ELL: variants seen among roughly 807,000 people sequenced by gnomAD.
ELL encodes RNA polymerase II elongation factor ELL.
In ELL, 18 loss-of-function variants were observed where a neutral mutation model predicts 64.0. The ratio of observed to expected loss-of-function variants is 0.28; its 90% CI spans 0.19 to 0.42. ELL has a LOEUF of 0.42. Among genes scored for constraint, ELL ranks in the 10% least tolerant of loss-of-function variants. The probability of loss-of-function intolerance (pLI) is 1.00; values close to 1 mark genes in which losing one functional copy is unlikely to be tolerated. For synonymous variants in ELL, 399 were observed against 376.2 expected, an observed-to-expected ratio of 1.06 and a Z score of -0.70; for missense variants, 797 against 870.4, an observed-to-expected ratio of 0.92 and a Z score of 1.06.
At chr19:18,502,189 C>T (rs1472235480) in intron 1 of ELL, among the ~76,000 whole-genome samples, 1 of 152,142 alleles carries the variant, frequency 6.6e-6, no homozygotes, top group African/African-American at 2.4e-5. Flanking sequence ...AGCCAGATAG[C>T]CCATTGAGGA....
rs770181742 is a variant in ELL, at chr19:18,450,884, T to C, written c.1058A>G (p.Asn353Ser). ...HFTQRAQPAVNGKLGVPNGRE... is the reference protein window; with the variant it reads ...HFTQRAQPAVSGKLGVPNGRE... The stretch of plus-strand genomic sequence containing the variant: ...GCCATTGGGCACGCCCAGCTTCCCG[T>C]TGACGGCAGGCTGAGCTCTCTGAGT... The change falls in exon 8 of 12, where the codon AAC (asparagine) becomes AGC (serine). Residue 353 changes from asparagine to serine, a missense_variant. Physicochemically the swap from Asn to Ser is conservative, Grantham distance 46 (BLOSUM62 1). Coordinates refer to ENST00000262809, the MANE Select transcript of ELL (RefSeq NM_006532.4). The C allele has an allele frequency of 5.7e-6, 9 of 1,578,334 alleles. No homozygotes were observed. Among genetic ancestry groups the C allele is most frequent in the East Asian group, 2.3e-5 (1 of 44,394 alleles).
chr19:18,516,548 T>C (rs935950425), intron 1 of ELL, among the ~76,000 whole-genome samples: 11 of 135,778 alleles, frequency 8.1e-5, no homozygotes, highest in Non-Finnish European at 9.1e-5. Context: ...TCTCAATCAC[T>C]GGTGGGTATC....
chr19:18,514,309 C>T (rs866906048), intron 1 of ELL, among the ~76,000 whole-genome samples: 7 of 151,778 alleles, frequency 4.6e-5, no homozygotes, highest in African/African-American at 1.7e-4. Context: ...GTCAAGAGAT[C>T]GAGACCATCC....
intron 2 of ELL, among the ~76,000 whole-genome samples, chr19:18,466,599 G>C (rs1974940834): frequency 6.6e-6 from 1 of 152,220 alleles, no homozygotes; most frequent in Non-Finnish European, 1.5e-5. Flanking sequence ...GGACAGCCAG[G>C]GGCAGGCAGG....
chr19:18,485,593 C>T (rs1568390067), intron 1 of ELL, among the ~76,000 whole-genome samples: 1 of 152,132 alleles, frequency 6.6e-6, no homozygotes, highest in Non-Finnish European at 1.5e-5. Flanking sequence ...ATCTTAGAGG[C>T]GAGATTCAGG....
At chr19:18,512,527 T>C (rs1041948678) in intron 1 of ELL, among the ~76,000 whole-genome samples, 1 of 151,946 alleles carries the variant, frequency 6.6e-6, no homozygotes, top group Non-Finnish European at 1.5e-5. Context: ...TAGTACCAGC[T>C]ATTTAGGAGG....
At chr19:18,495,033 G>A (rs1055777373) in intron 1 of ELL, among the ~76,000 whole-genome samples, 2 of 152,214 alleles carry the variant, frequency 1.3e-5, no homozygotes, top group African/African-American at 4.8e-5. Flanking sequence ...GCTATAACAT[G>A]TTAGGCCCTG....
intron 1 of ELL, among the ~76,000 whole-genome samples, chr19:18,492,383 T>A (rs948897936): frequency 1.6e-4 from 25 of 152,302 alleles, no homozygotes; most frequent in African/African-American, 6.0e-4. Context: ...AAGGAACATA[T>A]CTGTTTTTCA....
chr19:18,492,192 C>T (rs938511545), intron 1 of ELL, among the ~76,000 whole-genome samples: 3 of 152,132 alleles, frequency 2.0e-5, no homozygotes, highest in Admixed American at 1.3e-4. Context: ...TCTGGCCACA[C>T]CATGGGGTTA....
At chr19:18,472,211 C>A (rs1253589615) in intron 2 of ELL, among the ~76,000 whole-genome samples, 2 of 152,072 alleles carry the variant, frequency 1.3e-5, no homozygotes, top group Admixed American at 6.6e-5. Flanking sequence ...GATCTGCCTG[C>A]CTCAGCATCC....
rs560484843 is a variant in ELL at position 18,470,429 on chromosome 19, G to A, written c.183+2406C>T. Among the ~76,000 whole-genome samples, 7 of 152,340 alleles carry A rather than the reference G, an allele frequency of 4.6e-5. No homozygotes were observed. In the East Asian group the frequency reaches 1.4e-3, roughly 29 times the overall value. On this transcript the variant is annotated intron_variant, in intron 2 of 11. Coordinates refer to ENST00000262809, the MANE Select transcript of ELL (RefSeq NM_006532.4). ...AGAGTGACTGCTGTAGGACACCAGA[G>A]GGCACTGTGGGGCTGCTCTGGCAGC...
intron 1 of ELL, among the ~76,000 whole-genome samples, chr19:18,504,128 G>A (rs1975837139): frequency 6.6e-6 from 1 of 152,220 alleles, no homozygotes; most frequent in South Asian, 2.1e-4. Flanking sequence ...TGGCACCTCT[G>A]CTAAGCATGC....
chr19:18,492,911 C>G (rs900268940), intron 1 of ELL, among the ~76,000 whole-genome samples: 1 of 152,054 alleles, frequency 6.6e-6, no homozygotes, highest in South Asian at 2.1e-4. Flanking sequence ...GCGATGACAC[C>G]AGGAAAAGCT....
At chr19:18,518,985 C>T (rs1393321079) in intron 1 of ELL, among the ~76,000 whole-genome samples, 2 of 152,082 alleles carry the variant, frequency 1.3e-5, no homozygotes, top group Middle Eastern at 3.2e-3. Flanking sequence ...TTACCTGCTC[C>T]TGGGAGCCAC....
chr19:18,471,012 A>C (rs574788681), intron 2 of ELL: 1 of 456,320 alleles, frequency 2.2e-6, no homozygotes, highest in Admixed American at 2.4e-5. Context: ...ATATCCCCAC[A>C]TCCAGCTGTG....
chr19:18,488,538 C>T (rs535490731), intron 1 of ELL, among the ~76,000 whole-genome samples: 204 of 152,334 alleles, frequency 1.3e-3, no homozygotes, highest in Non-Finnish European at 1.9e-3. Flanking sequence ...GGGCTGCATG[C>T]TCCCAGCATC....
Position 18,446,827 on chromosome 19 carries a change from A to G in ELL, c.1466-13T>C, listed in dbSNP as rs767066604. The stretch of plus-strand genomic sequence containing the variant: ...GTTCCGTTTAAACCTACGAGAGCAA[A>G]CACATACCTCCTGAGTCTGCGCCCA... On this transcript the variant is annotated splice_polypyrimidine_tract_variant and intron_variant, in intron 8 of 11. Transcript: ENST00000262809. 45 of 1,613,646 alleles carry G rather than the reference A, an allele frequency of 2.8e-5. No individual in the cohort carries two copies. In the East Asian group the frequency reaches 9.6e-4, roughly 34 times the overall value.
chr19:18,519,529 G>T (rs1976207251), intron 1 of ELL, among the ~76,000 whole-genome samples: 1 of 152,226 alleles, frequency 6.6e-6, no homozygotes, highest in South Asian at 2.1e-4. Context: ...CAAGCTGGCT[G>T]GGAGCAGTGG....
intron 1 of ELL, among the ~76,000 whole-genome samples, chr19:18,492,921 T>C (rs997320520): frequency 1.4e-4 from 22 of 151,974 alleles, no homozygotes; most frequent in Non-Finnish European, 2.6e-4. Context: ...CAGGAAAAGC[T>C]AGGACAAGTT....
Sources: gnomAD v4.1 joint callset for allele counts (sites outside exome capture counted in the v4.1 genomes callset) on GRCh38, gnomAD v4.1.1 for gene constraint, MANE v1.5 for transcripts, NCBI Gene and HGNC (gene_info 2026-07-23, HGNC 2026-07-21) for gene names.